THSD4: variants seen among roughly 807,000 people sequenced by gnomAD.
THSD4 encodes the protein thrombospondin type-1 domain-containing protein 4.
A neutral mutation model predicts 119.0 loss-of-function variants in THSD4; 69 were observed. The observed-to-expected ratio is 0.58, with a 90% confidence interval of 0.48 to 0.71. The LOEUF is 0.71. Among genes scored for constraint, THSD4 ranks in the 30% least tolerant of loss-of-function variants. The pLI is 0.00. For missense variants in THSD4, 1,393 were observed against 1,391.1 expected (o/e 1.00, Z -0.02); for synonymous variants, 524 against 540.4 (o/e 0.97, Z 0.42).
chr15:71,708,188 C>G (rs781020196), intron 8 of THSD4, among the ~76,000 whole-genome samples: 19 of 152,190 alleles, frequency 1.2e-4, no homozygotes, highest in African/African-American at 4.3e-4. Flanking sequence ...TGTGATTGAA[C>G]GTCATCAATG....
chr15:71,139,146 A>C (rs572607345), intron 1 of THSD4, among the ~76,000 whole-genome samples: 1 of 152,128 alleles, frequency 6.6e-6, no homozygotes, highest in Non-Finnish European at 1.5e-5. Flanking sequence ...TTTAAGTCCC[A>C]TCTACCTTGC....
chr15:71,545,457 T>G (rs76917938), intron 7 of THSD4, among the ~76,000 whole-genome samples: 7,198 of 152,264 alleles, frequency 0.047, 740 homozygotes, highest in East Asian at 0.45. Context: ...GTCTGTGGTT[T>G]CCTTTGTGCT....
chr15:71,615,115 G>C (rs141277404), intron 7 of THSD4, among the ~76,000 whole-genome samples: 1 of 152,306 alleles, frequency 6.6e-6, no homozygotes, highest in East Asian at 1.9e-4. Context: ...GATTTGTGCA[G>C]ATTTGGTTTT....
At chr15:71,189,840 T>G (rs1467245154) in intron 3 of THSD4, among the ~76,000 whole-genome samples, 1 of 152,186 alleles carries the variant, frequency 6.6e-6, no homozygotes, top group East Asian at 1.9e-4. Context: ...CTTCCACCCC[T>G]TGAGTGTCTG....
intron 7 of THSD4, among the ~76,000 whole-genome samples, chr15:71,619,205 C>G (rs2050376488): frequency 6.6e-6 from 1 of 151,836 alleles, no homozygotes; most frequent in Non-Finnish European, 1.5e-5. Context: ...CTCCTGACCT[C>G]AGATGATCCA....
chr15:71,161,310 TCTGTCTAGGTGATCTG>T (rs2043247681), intron 3 of THSD4, among the ~76,000 whole-genome samples: 1 of 152,098 alleles, frequency 6.6e-6, no homozygotes, highest in African/African-American at 2.4e-5. Flanking sequence ...TTGTTGATTG[TCTGTCTAGGTGATCTG>T]TCTGTTGTTG....
At chr15:71,339,910 G>A (rs746025479) in intron 6 of THSD4, among the ~76,000 whole-genome samples, 9 of 151,944 alleles carry the variant, frequency 5.9e-5, no homozygotes, top group Admixed American at 1.3e-4. Context: ...AATTACAGTC[G>A]CGTGCCACCA....
At chr15:71,104,781 A>G (rs2040267448) in intron 1 of THSD4, among the ~76,000 whole-genome samples, 1 of 152,174 alleles carries the variant, frequency 6.6e-6, no homozygotes, top group Non-Finnish European at 1.5e-5. Context: ...TTAATTTGCA[A>G]TTGGTTAAAG....
chr15:71,348,617 ACT>A (rs1460382737), intron 6 of THSD4: 1 of 152,100 alleles, frequency 6.6e-6, no homozygotes, highest in South Asian at 2.1e-4. Context: ...AGAAGGGACA[ACT>A]CTCTGTTTTA....
chr15:71,663,486 G>A (rs1409984856), intron 8 of THSD4, among the ~76,000 whole-genome samples: 1 of 152,202 alleles, frequency 6.6e-6, no homozygotes, highest in Non-Finnish European at 1.5e-5. Flanking sequence ...GTCACCTGGG[G>A]TGCTTTGTGT....
intron 7 of THSD4, among the ~76,000 whole-genome samples, chr15:71,602,497 G>A (rs1248727273): frequency 7.9e-6 from 1 of 125,814 alleles, no homozygotes; most frequent in Non-Finnish European, 1.6e-5. Flanking sequence ...AGGTTGCAGT[G>A]AGCCAAGATC....
intron 4 of THSD4, among the ~76,000 whole-genome samples, chr15:71,225,603 A>C (rs958656742): frequency 1.5e-5 from 2 of 133,446 alleles, no homozygotes; most frequent in Admixed American, 9.1e-5. Flanking sequence ...GCGGGAGTGC[A>C]GTGGCACAAT....
intron 8 of THSD4, among the ~76,000 whole-genome samples, chr15:71,684,401 A>G (rs761670825): frequency 1.3e-5 from 2 of 152,124 alleles, no homozygotes; most frequent in Non-Finnish European, 2.9e-5. Context: ...TTTAATGTGA[A>G]TGCTCCTAAT....
intron 16 of THSD4, among the ~76,000 whole-genome samples, chr15:71,768,634 G>A (rs1376643975): frequency 2.9e-5 from 4 of 135,594 alleles, no homozygotes; most frequent in Non-Finnish European, 6.1e-5. Context: ...GCACCATCTC[G>A]GCTCACTGCA....
At chr15:71,581,967 C>T (rs906110906) in intron 7 of THSD4, among the ~76,000 whole-genome samples, 1 of 152,048 alleles carries the variant, frequency 6.6e-6, no homozygotes, top group African/African-American at 2.4e-5. Flanking sequence ...TTTGTTCTTG[C>T]TCAGGATTGC....
intron 4 of THSD4, among the ~76,000 whole-genome samples, chr15:71,230,780 A>G (rs930449697): frequency 2.6e-5 from 4 of 152,190 alleles, no homozygotes; most frequent in African/African-American, 9.7e-5. Context: ...CTTTGCTCTG[A>G]GCTATCTAAT....
intron 7 of THSD4, among the ~76,000 whole-genome samples, chr15:71,502,734 C>T: frequency 6.6e-6 from 1 of 152,262 alleles, no homozygotes; most frequent in South Asian, 2.1e-4. Flanking sequence ...AGATCTTCTA[C>T]AGAAGATCAT....
At chr15:71,358,707 C>G (rs2045854957) in intron 6 of THSD4, among the ~76,000 whole-genome samples, 1 of 152,188 alleles carries the variant, frequency 6.6e-6, no homozygotes, top group Non-Finnish European at 1.5e-5. Context: ...AGAATAGTGC[C>G]TGCTCAATTA....
intron 6 of THSD4, among the ~76,000 whole-genome samples, chr15:71,345,882 G>A (rs542073077): frequency 1.3e-5 from 2 of 150,984 alleles, no homozygotes; most frequent in African/African-American, 4.9e-5. Context: ...TTTTGTTTTC[G>A]GACTTACTTG....
Sources: gnomAD v4.1 joint callset for allele counts (sites outside exome capture counted in the v4.1 genomes callset) on GRCh38, gnomAD v4.1.1 for gene constraint, MANE v1.5 for transcripts, NCBI Gene and HGNC (gene_info 2026-07-23, HGNC 2026-07-21) for gene names.